RARB: variants seen among roughly 807,000 people sequenced by gnomAD.
RARB encodes the protein HBV-activated protein.
Under a neutral mutation model 51.9 loss-of-function variants are expected in RARB, and 17 were observed. The observed-to-expected ratio is 0.33, with a 90% confidence interval of 0.22 to 0.49. The LOEUF is 0.49. Among genes scored for constraint, RARB ranks in the 20% least tolerant of loss-of-function variants. RARB has a pLI of 0.99. For synonymous variants in RARB, 215 were observed against 195.4 expected (o/e 1.10, Z -0.84); for missense variants, 369 against 550.8 (o/e 0.67, Z 3.30).
chr3:25,298,513 C>A lies in RARB; in HGVS notation c.178+123938C>A, dbSNP rs370820044. Among the ~76,000 whole-genome samples the A allele has an allele frequency of 3.9e-5, 6 of 152,120 alleles. No individual in the cohort carries two copies. In the East Asian group the frequency reaches 5.8e-4, roughly 15 times the overall value. ...AGGCTGTGCCGACATTCCTTTAATT[C>A]AACAATTCTTTGTGTGTCTGTGTTT... is the stretch of plus-strand genomic sequence containing the variant. On this transcript the variant is annotated intron_variant, in intron 5 of 11. Coordinates refer to the RARB transcript ENST00000383772.
chr3:24,897,191 A>G (rs986168592), intron 2 of RARB, among the ~76,000 whole-genome samples: 5 of 152,204 alleles, frequency 3.3e-5, no homozygotes, highest in African/African-American at 1.2e-4. Context: ...GGCTGTATCT[A>G]TCATTTCATA....
At chr3:24,935,346 G>A (rs547603442) in intron 2 of RARB, among the ~76,000 whole-genome samples, 3 of 152,088 alleles carry the variant, frequency 2.0e-5, no homozygotes, top group Admixed American at 6.6e-5. Flanking sequence ...GACCTCCAAA[G>A]GCAAACAGAA....
At chr3:25,044,117 AT>A (rs1698167024) in intron 2 of RARB, among the ~76,000 whole-genome samples, 1 of 152,210 alleles carries the variant, frequency 6.6e-6, no homozygotes, top group Non-Finnish European at 1.5e-5. Flanking sequence ...TCAGGGAAGA[AT>A]TTTAAACAGC....
chr3:25,117,350 C>T (rs1412220200), intron 3 of RARB, among the ~76,000 whole-genome samples: 2 of 152,130 alleles, frequency 1.3e-5, no homozygotes, highest in African/African-American at 4.8e-5. Flanking sequence ...TAAAAGTTCA[C>T]CAGGAGCATG....
At chr3:25,284,335 T>C (rs1391206113) in intron 5 of RARB, among the ~76,000 whole-genome samples, 5 of 152,176 alleles carry the variant, frequency 3.3e-5, no homozygotes, top group Admixed American at 3.3e-4. Flanking sequence ...CCCAGATTCC[T>C]GACCTGAAGA....
At chr3:25,560,475 A>G (rs1397094256) in intron 3 of RARB, among the ~76,000 whole-genome samples, 2 of 152,220 alleles carry the variant, frequency 1.3e-5, no homozygotes, top group African/African-American at 4.8e-5. Flanking sequence ...GCAGAAATCC[A>G]TCACGTATAT....
intron 3 of RARB, among the ~76,000 whole-genome samples, chr3:25,085,292 G>A (rs947431257): frequency 2.0e-5 from 3 of 152,126 alleles, no homozygotes; most frequent in African/African-American, 7.2e-5. Flanking sequence ...CTACATTGAA[G>A]CATGAACTAA....
At chr3:24,935,217 C>T (rs924759132) in intron 2 of RARB, among the ~76,000 whole-genome samples, 3 of 152,050 alleles carry the variant, frequency 2.0e-5, no homozygotes, top group Non-Finnish European at 4.4e-5. Context: ...TGCTTTGTTA[C>T]GTTTAGGTAT....
At position 25,265,718 on chromosome 3, in the gene RARB, C is replaced by T. The variant is rs372992072; in HGVS notation, c.178+91143C>T. Among the ~76,000 whole-genome samples, 7 of 152,232 alleles carry T rather than the reference C, an allele frequency of 4.6e-5. No homozygotes were observed. In the South Asian group the frequency reaches 8.3e-4, roughly 18 times the overall value. ...AACTCCTGGGCTCAAGTGATCCACACGCCTCCGCCTCCCAAAGTGCTAGGG... is the reference window on the plus strand; with the variant it reads ...AACTCCTGGGCTCAAGTGATCCACATGCCTCCGCCTCCCAAAGTGCTAGGG... On this transcript the variant is annotated intron_variant, in intron 5 of 11. Coordinates refer to the RARB transcript ENST00000383772.
chr3:25,393,703 G>A (rs1707037151), intron 5 of RARB, among the ~76,000 whole-genome samples: 1 of 151,976 alleles, frequency 6.6e-6, no homozygotes, highest in Non-Finnish European at 1.5e-5. Context: ...GCACGTGAAG[G>A]TGTTCATAGT....
intron 2 of RARB, among the ~76,000 whole-genome samples, chr3:25,022,610 A>G (rs1213559295): frequency 6.6e-6 from 1 of 152,148 alleles, no homozygotes; most frequent in Non-Finnish European, 1.5e-5. Context: ...TGGCACTTTC[A>G]GTCTTTTTTA....
intron 5 of RARB, among the ~76,000 whole-genome samples, chr3:25,344,514 C>T (rs563679061): frequency 4.6e-4 from 70 of 152,262 alleles, no homozygotes; most frequent in Non-Finnish European, 8.1e-4. Context: ...AATGGGCCTA[C>T]AATTCATGTT....
chr3:25,074,204 C>T (rs896961879), intron 3 of RARB, among the ~76,000 whole-genome samples: 4 of 152,194 alleles, frequency 2.6e-5, no homozygotes, highest in Non-Finnish European at 5.9e-5. Context: ...AGTGTTTCCT[C>T]CCCATAAGGG....
At chr3:25,427,017 A>C (rs570946870), upstream of RARB, among the ~76,000 whole-genome samples, 61 of 152,352 alleles carry the variant, frequency 4.0e-4, no homozygotes, top group African/African-American at 1.5e-3. Flanking sequence ...GGTCCTTCAA[A>C]ATGTAAAACT....
chr3:24,847,214 A>G (rs1345619198), intron 1 of RARB, among the ~76,000 whole-genome samples: 2 of 152,184 alleles, frequency 1.3e-5, no homozygotes, highest in African/African-American at 4.8e-5. Flanking sequence ...TGACATAGCT[A>G]AAGTCTGAGA....
chr3:24,889,419 C>T (rs538319260), intron 2 of RARB, among the ~76,000 whole-genome samples: 3 of 152,030 alleles, frequency 2.0e-5, no homozygotes, highest in African/African-American at 4.8e-5. Context: ...GCAGTGTTTA[C>T]GTTTTTTATT....
intron 3 of RARB, among the ~76,000 whole-genome samples, chr3:25,507,029 C>T (rs1349343995): frequency 1.3e-5 from 2 of 152,276 alleles, no homozygotes; most frequent in African/African-American, 4.8e-5. Context: ...ATTCCACACT[C>T]TAGGCAGAAT....
rs1392591831 is a variant in RARB at position 25,071,590 on chromosome 3, C to T, written c.-328+11414C>T. Among the ~76,000 whole-genome samples, 4 of 152,136 alleles carry T rather than the reference C, an allele frequency of 2.6e-5. No homozygotes were observed. The East Asian group carries it at 7.7e-4, about 29-fold the overall frequency. On this transcript the variant is annotated intron_variant, in intron 3 of 11. Transcript: ENST00000383772. ...TTAGTTCTTTTGCTTCCTGTCTAGA[C>T]CACAAGGTTATATATTCTTTTGTCA...
intron 5 of RARB, among the ~76,000 whole-genome samples, chr3:25,199,307 G>A (rs985001753): frequency 1.9e-4 from 29 of 151,230 alleles, no homozygotes; most frequent in African/African-American, 5.9e-4. Context: ...GGGAAAGGTC[G>A]TTGAAGGTTG....
Sources: gnomAD v4.1 joint callset for allele counts (sites outside exome capture counted in the v4.1 genomes callset) on GRCh38, gnomAD v4.1.1 for gene constraint, MANE v1.5 for transcripts, NCBI Gene and HGNC (gene_info 2026-07-23, HGNC 2026-07-21) for gene names.